Variants in PTPRN2 observed in about 807,000 individuals in gnomAD.
PTPRN2 encodes protein tyrosine phosphatase receptor type N2, also known as receptor-type tyrosine-protein phosphatase N2.
Under a neutral mutation model 118.8 loss-of-function variants are expected in PTPRN2, and 74 were observed. The observed-to-expected ratio is 0.62, with a 90% CI of 0.52 to 0.76. The LOEUF (loss-of-function observed/expected upper bound fraction) is 0.76, where lower values mean the gene tolerates loss of function less well. PTPRN2 is among the 30% of genes least tolerant of loss of function. The pLI, the probability that PTPRN2 is intolerant of heterozygous loss-of-function variation, is 0.00. For missense variants in PTPRN2, 1,481 were observed against 1,394.4 expected, an observed-to-expected ratio of 1.06 and a Z score of -0.99; for synonymous variants, 641 against 608.0, an observed-to-expected ratio of 1.05 and a Z score of -0.80.
intron 5 of PTPRN2, among the ~76,000 whole-genome samples, chr7:158,173,167 CCAT>C (rs1823868768): frequency 6.6e-6 from 1 of 151,800 alleles, no homozygotes; most frequent in Non-Finnish European, 1.5e-5. Context: ...AGCATCCACA[CCAT>C]CATCACCCTC....
chr7:158,146,972 C>T (rs1387992816), intron 6 of PTPRN2, among the ~76,000 whole-genome samples: 1 of 130,888 alleles, frequency 7.6e-6, no homozygotes, highest in Admixed American at 7.8e-5. Flanking sequence ...CCATCTCACG[C>T]CACGTGTCTT....
intron 13 of PTPRN2, among the ~76,000 whole-genome samples, chr7:157,669,322 G>A (rs897653668): frequency 6.6e-6 from 1 of 152,236 alleles, no homozygotes; most frequent in African/African-American, 2.4e-5. Flanking sequence ...CGTGGCCAAC[G>A]CTGCTCTGGT....
chr7:158,314,997 CG>C (rs1253871029), intron 3 of PTPRN2, among the ~76,000 whole-genome samples: 72 of 141,428 alleles, frequency 5.1e-4, no homozygotes, highest in African/African-American at 1.9e-3. Context: ...GAGGTGAACC[CG>C]GGACCCCCTG....
rs546935300 is a variant in PTPRN2, at chr7:157,780,800, G to A, written c.1789-97863C>T. On this transcript the variant is annotated intron_variant, in intron 12 of 22. Transcript: ENST00000389418. This position sits in a 1 kb window ranked among gnomAD's most constrained non-coding sequence, Gnocchi z 4.5. ...CAAGGTGGACGAGCTCTCCAAACTCGCTTTCTCTGCCTCATCCGTGATGAG... is the reference window on the plus strand; with the variant it reads ...CAAGGTGGACGAGCTCTCCAAACTCACTTTCTCTGCCTCATCCGTGATGAG... Among the ~76,000 whole-genome samples, 6 of 152,230 alleles carry A rather than the reference G, an allele frequency of 3.9e-5. No individual in the cohort carries two copies. The highest frequency in any genetic ancestry group is 9.6e-5 in the African/African-American group (4 of 41,532).
intron 2 of PTPRN2, among the ~76,000 whole-genome samples, chr7:158,319,741 CCT>C (rs147859020): frequency 0.015 from 290 of 19,734 alleles, 115 homozygotes; most frequent in African/African-American, 0.1. Context: ...TCACAGTCTC[CCT>C]CACACACACA....
intron 11 of PTPRN2, among the ~76,000 whole-genome samples, chr7:157,908,831 C>T (rs1189404283): frequency 1.3e-5 from 2 of 152,098 alleles, no homozygotes; most frequent in Admixed American, 1.3e-4. Context: ...TAATAATTCA[C>T]ATTAAATCTT....
intron 15 of PTPRN2, among the ~76,000 whole-genome samples, chr7:157,605,626 G>T (rs778706127): frequency 1.3e-5 from 2 of 152,216 alleles, no homozygotes; most frequent in Admixed American, 1.3e-4. Context: ...TCGAGCAATA[G>T]AACAGCTCAG....
At chr7:158,445,493 G>T (rs114420057) in intron 2 of PTPRN2, among the ~76,000 whole-genome samples, 2 of 152,164 alleles carry the variant, frequency 1.3e-5, no homozygotes, top group South Asian at 4.1e-4. Flanking sequence ...AGCCTGAGCC[G>T]GACCAGTGAC....
At position 157,656,552 on chromosome 7, in the gene PTPRN2, C is replaced by T; in HGVS notation, c.2002-1G>A. The T allele has an allele frequency of 6.5e-7, 1 of 1,536,458 alleles. No homozygotes were observed. The highest frequency in any genetic ancestry group is 8.7e-7 in the Non-Finnish European group (1 of 1,146,136). On this transcript the variant is annotated splice_acceptor_variant, in intron 13 of 22. Transcript: ENST00000389418. LOFTEE classifies it high-confidence loss of function. ...TGGCCATACGCTGGCGGCACAGCTC[C>T]TGCAGGACAGGGGGAGGAAGAGCAG...
At chr7:158,159,089 G>A (rs113862897) in intron 6 of PTPRN2, among the ~76,000 whole-genome samples, 4 of 17,712 alleles carry the variant, frequency 2.3e-4, no homozygotes, top group African/African-American at 1.6e-3. Flanking sequence ...ATGAGTGAAC[G>A]CGGGAGAATC....
intron 1 of PTPRN2, among the ~76,000 whole-genome samples, chr7:158,516,550 A>T (rs1170181289): frequency 6.8e-6 from 1 of 148,104 alleles, no homozygotes; most frequent in African/African-American, 2.5e-5. Flanking sequence ...GCTTCTGCCT[A>T]TAGTTCTTGG....
chr7:158,149,152 C>A (rs1353806791), intron 6 of PTPRN2, among the ~76,000 whole-genome samples: 4 of 148,614 alleles, frequency 2.7e-5, no homozygotes, highest in African/African-American at 7.4e-5. Context: ...GTGTCTTTCC[C>A]CCTCAGTGAC....
chr7:157,702,806 G>A (rs906764110), intron 12 of PTPRN2, among the ~76,000 whole-genome samples: 7 of 152,184 alleles, frequency 4.6e-5, no homozygotes, highest in Non-Finnish European at 5.9e-5. Context: ...CTGCTGCTCC[G>A]CGCTGCCGAA....
At chr7:158,139,793 A>C (rs576808618) in intron 6 of PTPRN2, among the ~76,000 whole-genome samples, 1 of 152,360 alleles carries the variant, frequency 6.6e-6, no homozygotes, top group East Asian at 1.9e-4. Context: ...TATTTCATAC[A>C]ATGTGCAGAG....
intron 3 of PTPRN2, among the ~76,000 whole-genome samples, chr7:158,279,722 A>G (rs1257738682): frequency 1.3e-5 from 2 of 151,010 alleles, no homozygotes; most frequent in African/African-American, 4.9e-5. Flanking sequence ...CTCCCTCCAC[A>G]CCTCCCCGCA....
At chr7:158,039,733 C>T (rs1808320884) in intron 11 of PTPRN2, among the ~76,000 whole-genome samples, 1 of 152,068 alleles carries the variant, frequency 6.6e-6, no homozygotes, top group Non-Finnish European at 1.5e-5. Context: ...AAAAAAATTA[C>T]AAGCCATGCT....
rs374964234 is a variant in PTPRN2, at chr7:157,585,121, G to A, written c.2497-6981C>T. On this transcript the variant is annotated intron_variant, in intron 17 of 22. Coordinates refer to ENST00000389418, the MANE Select transcript of PTPRN2 (RefSeq NM_002847.5). The surrounding 1 kb of genome is among the most constrained non-coding windows in gnomAD (Gnocchi z 5.2). ...ATGAGGTGACGTAGCCCACACACAC[G>A]TCAGCAGTGCTGATGGAAAGGCTGA... is the stretch of plus-strand genomic sequence containing the variant. 1.4e-4 allele frequency among the ~76,000 whole-genome samples: 22 copies of A among 152,236 alleles called. No homozygotes were observed. The highest frequency in any genetic ancestry group is 4.3e-4 in the African/African-American group (18 of 41,540).
intron 11 of PTPRN2, among the ~76,000 whole-genome samples, chr7:157,961,001 C>T (rs368713293): frequency 4.0e-5 from 6 of 151,042 alleles, no homozygotes; most frequent in African/African-American, 1.2e-4. Flanking sequence ...AGCGAGACTC[C>T]GTCTCAAAAA....
At chr7:157,667,746 T>TC (rs1272914217) in intron 13 of PTPRN2, among the ~76,000 whole-genome samples, 2 of 152,136 alleles carry the variant, frequency 1.3e-5, no homozygotes, top group Non-Finnish European at 2.9e-5. Context: ...CCTAACACCC[T>TC]CCCCACGGGG....
Sources: allele counts gnomAD v4.1 joint callset (sites outside exome capture counted in the v4.1 genomes callset), GRCh38; gene constraint gnomAD v4.1.1; non-coding constraint Gnocchi (gnomAD v3.1); transcripts MANE v1.5; gene names NCBI Gene and HGNC (gene_info 2026-07-23, HGNC 2026-07-21).